The following PACSIN1 variants were observed in gnomAD, a reference collection of about 807,000 sequenced individuals.
The protein encoded by PACSIN1 is protein kinase C and casein kinase substrate in neurons 1, also known as protein kinase C and casein kinase substrate in neurons protein 1.
A neutral mutation model predicts 59.5 loss-of-function variants in PACSIN1; 15 were observed. That is an observed-to-expected ratio of 0.25 (90% CI 0.17 to 0.39). The LOEUF (loss-of-function observed/expected upper bound fraction) is 0.39. PACSIN1 is among the 10% of genes least tolerant of loss of function. PACSIN1 has a pLI of 1.00. For missense variants in PACSIN1, 420 were observed against 580.2 expected (o/e 0.72, Z 2.84); for synonymous variants, 210 against 220.6 (o/e 0.95, Z 0.42).
chr6:34,510,128 T>G (rs572876173), intron 1 of PACSIN1, among the ~76,000 whole-genome samples: 2 of 152,380 alleles, frequency 1.3e-5, no homozygotes, highest in South Asian at 4.1e-4. Context: ...TTGCTTCCAA[T>G]TTGGAGATGT....
chr6:34,532,535 C>A lies in PACSIN1; in HGVS notation c.*5C>A. 1 of 1,492,662 alleles carries A rather than the reference C, an allele frequency of 6.7e-7. No individual in the cohort carries two copies. The highest frequency in any genetic ancestry group is 9.0e-7 in the Non-Finnish European group (1 of 1,110,426). The allele number at this position is 1,492,662 out of a possible 1,614,324, so 92.5% of individuals were successfully genotyped here. A position where few individuals can be genotyped will look rare whatever the true frequency, so the allele number is the denominator to read the frequency against. ...AACTACGTGGAGGCTATCTAGAGGC[C>A]CCCTCCCTCCATACTCCCGTCACTC... On this transcript the variant is annotated 3_prime_UTR_variant, in exon 10 of 10. Coordinates refer to ENST00000244458, the MANE Select transcript of PACSIN1 (RefSeq NM_020804.5). This position sits in a 1 kb window ranked among gnomAD's most constrained non-coding sequence, Gnocchi z 5.2.
At chr6:34,473,836 A>C (rs1766604023) in intron 1 of PACSIN1, among the ~76,000 whole-genome samples, 1 of 152,206 alleles carries the variant, frequency 6.6e-6, no homozygotes, top group African/African-American at 2.4e-5. Context: ...ATCTCATCTC[A>C]ATCAAGATAT....
chr6:34,528,882 T>C lies in PACSIN1; in HGVS notation c.456+5T>C, dbSNP rs755154125. On this transcript the variant is annotated splice_donor_5th_base_variant and intron_variant, in intron 4 of 9. Transcript: ENST00000244458. ...TGGGCCAAGAAGATGAAGGAGGTGC[T>C]CAGTGGGTGCTGCCACGGGCGGGGT... is the stretch of plus-strand genomic sequence containing the variant. 7.4e-7 allele frequency: 1 copy of C among 1,347,832 alleles called. No individual in the cohort carries two copies. The highest frequency in any genetic ancestry group is 1.2e-5 in the South Asian group (1 of 85,622). The allele number at this position is 1,347,832 out of a possible 1,614,324, so 83.5% of individuals were successfully genotyped here.
chr6:34,498,285 C>T (rs1288863584), intron 1 of PACSIN1, among the ~76,000 whole-genome samples: 3 of 152,106 alleles, frequency 2.0e-5, no homozygotes, highest in African/African-American at 7.2e-5. Context: ...TGGTCTCGAT[C>T]TCCTGACCTT....
intron 1 of PACSIN1, among the ~76,000 whole-genome samples, chr6:34,477,916 CTTT>C (rs67088426): frequency 4.2e-4 from 48 of 113,186 alleles, no homozygotes; most frequent in Admixed American, 2.4e-3. Flanking sequence ...GCCTGGCCAT[CTTT>C]TTTTTTTTTT....
At chr6:34,487,961 C>T (rs534604348) in intron 1 of PACSIN1, among the ~76,000 whole-genome samples, 249 of 152,312 alleles carry the variant, frequency 1.6e-3, no homozygotes, top group Non-Finnish European at 2.4e-3. Flanking sequence ...ACAGCTTCTT[C>T]AGGGTCCTGG....
Position 34,515,163 on chromosome 6 carries a change from G to C in PACSIN1, c.-63-11080G>C, listed in dbSNP as rs1767269748. On this transcript the variant is annotated intron_variant, in intron 1 of 9. Transcript: ENST00000244458. The surrounding 1 kb of genome is among the most constrained non-coding windows in gnomAD (Gnocchi z 4.4). ...GCGGCACCTGATAGGAGCCAAACAGGCCAGCTGGAGGGGCCGGGCCAGGGA... is the reference window on the plus strand; with the variant it reads ...GCGGCACCTGATAGGAGCCAAACAGCCCAGCTGGAGGGGCCGGGCCAGGGA... The C allele has an allele frequency of 6.6e-6, 1 of 152,600 alleles. No individual in the cohort carries two copies. Among genetic ancestry groups the C allele is most frequent in the African/African-American group, 2.4e-5 (1 of 41,480 alleles). The allele number at this position is 152,600 out of a possible 1,614,324, so 9.5% of individuals were successfully genotyped here.
At chr6:34,527,191 G>A (rs1561970493) in intron 2 of PACSIN1, 141 bp from the exon 3 acceptor site, 1 of 838,768 alleles carries the variant, frequency 1.2e-6, no homozygotes, top group Non-Finnish European at 1.7e-6. Flanking sequence ...CGGGGCGGGG[G>A]GCGGGGGCGG....
chr6:34,473,100 G>A (rs1425909469), intron 1 of PACSIN1, among the ~76,000 whole-genome samples: 3 of 151,980 alleles, frequency 2.0e-5, no homozygotes, highest in East Asian at 1.9e-4. Context: ...ACCTGTCGTC[G>A]AGGAATGGGG....
rs1445577081 is a variant in PACSIN1, at chr6:34,493,561, C to T, written c.-64+27291C>T. Among the ~76,000 whole-genome samples, 7 of 152,314 alleles carry T rather than the reference C, an allele frequency of 4.6e-5. No homozygotes were observed. The East Asian group carries it at 5.8e-4, about 13-fold the overall frequency. On this transcript the variant is annotated intron_variant, in intron 1 of 9. Coordinates refer to ENST00000244458, the MANE Select transcript of PACSIN1 (RefSeq NM_020804.5). ...GAGAGTTGTGATTACTCTGCATCCT[C>T]GCCAACACTTGATATTATCTGTCTT...
chr6:34,529,585 T>TG lies in PACSIN1; in HGVS notation c.612+38dup, dbSNP rs1414163799. 6.2e-7 allele frequency: 1 copy of TG among 1,613,014 alleles called. No homozygotes were observed. Among genetic ancestry groups the TG allele is most frequent in the Admixed American group, 1.7e-5 (1 of 59,976 alleles). On this transcript the variant is annotated intron_variant, in intron 5 of 9. Coordinates refer to ENST00000244458, the MANE Select transcript of PACSIN1 (RefSeq NM_020804.5). This position sits in a 1 kb window ranked among gnomAD's most constrained non-coding sequence, Gnocchi z 6.3. Reference sequence around the variant, plus strand: ...CGGGCAGGGATGGCAGTAGGGGGTCTGGGGGCCCCTTGCAGAGGGTGGTGG... The same window carrying TG: ...CGGGCAGGGATGGCAGTAGGGGGTCTGGGGGGCCCCTTGCAGAGGGTGGTGG...
intron 1 of PACSIN1, among the ~76,000 whole-genome samples, chr6:34,493,142 T>C (rs541296226): frequency 6.6e-6 from 1 of 152,186 alleles, no homozygotes; most frequent in East Asian, 1.9e-4. Context: ...TGGATATGAG[T>C]TGCCCCTGGG....
At chr6:34,524,501 ATG>A (rs1283635601) in intron 1 of PACSIN1, among the ~76,000 whole-genome samples, 1 of 152,002 alleles carries the variant, frequency 6.6e-6, no homozygotes, top group Non-Finnish European at 1.5e-5. Context: ...CTCCCTACTT[ATG>A]TATTTTCCCC....
chr6:34,517,817 T>C (rs1437042226), intron 1 of PACSIN1, among the ~76,000 whole-genome samples: 3 of 152,164 alleles, frequency 2.0e-5, no homozygotes, highest in Non-Finnish European at 2.9e-5. Context: ...CTTATTTATC[T>C]CGTTTCTTGC....
At chr6:34,487,138 TC>T (rs1201006076) in intron 1 of PACSIN1, among the ~76,000 whole-genome samples, 1 of 152,034 alleles carries the variant, frequency 6.6e-6, no homozygotes, top group Admixed American at 6.6e-5. Context: ...ACCACTGCAC[TC>T]CAGCCTGGGT....
rs1767611930 is a variant in PACSIN1, at chr6:34,532,314, C to A, written c.1226-107C>A. 2 of 728,926 alleles carry A rather than the reference C, an allele frequency of 2.7e-6. No individual in the cohort carries two copies. The highest frequency in any genetic ancestry group is 2.5e-5 in the Admixed American group (1 of 40,516). The allele number at this position is 728,926 out of a possible 1,614,324, so 45.2% of individuals were successfully genotyped here. ...GGGGCGGGGCCTAAGAATCTAAAACCCAGTGCAGTAATCAGGAGGTGGGTA... is the reference window on the plus strand; with the variant it reads ...GGGGCGGGGCCTAAGAATCTAAAACACAGTGCAGTAATCAGGAGGTGGGTA... On this transcript the variant is annotated intron_variant, in intron 9 of 9. Coordinates refer to ENST00000244458, the MANE Select transcript of PACSIN1 (RefSeq NM_020804.5). The surrounding 1 kb of genome is among the most constrained non-coding windows in gnomAD (Gnocchi z 5.2).
intron 1 of PACSIN1, among the ~76,000 whole-genome samples, chr6:34,486,244 C>G (rs1766792010): frequency 1.3e-5 from 2 of 152,030 alleles, no homozygotes; most frequent in Non-Finnish European, 2.9e-5. Flanking sequence ...GCCACAGTGT[C>G]TCTAGGTGCC....
At chr6:34,491,004 G>A (rs1053761044) in intron 1 of PACSIN1, among the ~76,000 whole-genome samples, 1 of 152,042 alleles carries the variant, frequency 6.6e-6, no homozygotes, top group East Asian at 1.9e-4. Flanking sequence ...AGCAGGGGGA[G>A]TGCTCGCCGG....
chr6:34,526,167 G>A, intron 1 of PACSIN1, 76 bp from the exon 2 acceptor site: 1 of 656,304 alleles, frequency 1.5e-6, no homozygotes, highest in Non-Finnish European at 2.6e-6. Context: ...ATCGGTTTGG[G>A]GACCCAGGCC....
Sources: allele counts gnomAD v4.1 joint callset (sites outside exome capture counted in the v4.1 genomes callset), GRCh38; gene constraint gnomAD v4.1.1; non-coding constraint Gnocchi (gnomAD v3.1); transcripts MANE v1.5; gene names NCBI Gene and HGNC (gene_info 2026-07-23, HGNC 2026-07-21).